The following GPA33 variants were observed in gnomAD, a reference collection of about 807,000 sequenced individuals.
GPA33 encodes glycoprotein A33.
Under a neutral mutation model 35.6 loss-of-function variants are expected in GPA33, and 27 were observed. The observed-to-expected ratio is 0.76, with a 90% CI of 0.56 to 1.04. The LOEUF (loss-of-function observed/expected upper bound fraction) is 1.04, where lower values mean the gene tolerates loss of function less well. Among genes scored for constraint, GPA33 ranks in the 50% least tolerant of loss-of-function variants. The pLI, the probability that GPA33 is intolerant of heterozygous loss-of-function variation, is 0.00. For missense variants in GPA33, 428 were observed against 411.9 expected, an observed-to-expected ratio of 1.04 and a Z score of -0.34; for synonymous variants, 176 against 164.0, an observed-to-expected ratio of 1.07 and a Z score of -0.56.
At chr1:167,064,514 G>A (rs1666546534) in intron 3 of GPA33, among the ~76,000 whole-genome samples, 1 of 152,152 alleles carries the variant, frequency 6.6e-6, no homozygotes. Context: ...CGACCTCAGT[G>A]TTCCATTCTG....
chr1:167,081,868 T>A (rs1666956578), intron 1 of GPA33, among the ~76,000 whole-genome samples: 1 of 152,224 alleles, frequency 6.6e-6, no homozygotes, highest in Non-Finnish European at 1.5e-5. Flanking sequence ...GTGTCTACAC[T>A]GAGCTGGGTC....
chr1:167,061,567 C>G (rs1278449664), intron 4 of GPA33, among the ~76,000 whole-genome samples: 1 of 143,104 alleles, frequency 7.0e-6, no homozygotes, highest in Admixed American at 7.0e-5. Flanking sequence ...TAAGTTAGGT[C>G]GAGTGGATTC....
chr1:167,074,716 A>C (rs1213668073), intron 1 of GPA33, among the ~76,000 whole-genome samples: 1 of 151,744 alleles, frequency 6.6e-6, no homozygotes, highest in African/African-American at 2.4e-5. Context: ...ACGCACAAGG[A>C]ACAGCAAGGG....
intron 4 of GPA33, among the ~76,000 whole-genome samples, chr1:167,056,678 G>A (rs1260929583): frequency 6.5e-5 from 3 of 45,916 alleles, no homozygotes; most frequent in African/African-American, 8.3e-5. Flanking sequence ...TGTGTGATGT[G>A]TCTGGTGTGT....
chr1:167,073,071 A>AG (rs1254185279), intron 2 of GPA33, among the ~76,000 whole-genome samples: 5 of 152,192 alleles, frequency 3.3e-5, no homozygotes, highest in African/African-American at 1.2e-4. Flanking sequence ...AGGAAAAAAA[A>AG]CCCATAAAAT....
At chr1:167,054,578 C>T in intron 6 of GPA33, 112 bp from the exon 7 acceptor site, 1 of 1,317,402 alleles carries the variant, frequency 7.6e-7, no homozygotes, top group Non-Finnish European at 1.1e-6. Context: ...CCTCCCCACC[C>T]ACCAGCTGCA....
chr1:167,081,187 A>G (rs1166980951), intron 1 of GPA33, among the ~76,000 whole-genome samples: 2 of 152,224 alleles, frequency 1.3e-5, no homozygotes, highest in Admixed American at 1.3e-4. Context: ...GGATAATGAA[A>G]TGCTTGATGG....
At chr1:167,068,257 A>G (rs561637212) in intron 3 of GPA33, among the ~76,000 whole-genome samples, 1 of 152,366 alleles carries the variant, frequency 6.6e-6, no homozygotes, top group Admixed American at 6.5e-5. Flanking sequence ...CTCATTAAAT[A>G]ACAGTTATTT....
chr1:167,054,947 T>C (rs751157899), intron 6 of GPA33, 29 bp downstream of exon 6: 1 of 1,613,464 alleles, frequency 6.2e-7, no homozygotes, highest in Non-Finnish European at 8.5e-7. Context: ...CCCAGACCCT[T>C]CCAACAGGCT....
intron 4 of GPA33, among the ~76,000 whole-genome samples, chr1:167,060,320 G>C (rs528604343): frequency 1.1e-4 from 16 of 152,102 alleles, no homozygotes; most frequent in Admixed American, 2.0e-4. Context: ...CGATCCACCC[G>C]CCTCAGCTTC....
chr1:167,080,102 T>C (rs1179169664), intron 1 of GPA33, among the ~76,000 whole-genome samples: 3 of 152,128 alleles, frequency 2.0e-5, no homozygotes, highest in Non-Finnish European at 4.4e-5. Flanking sequence ...CCCACCCTCC[T>C]CCCAGTAGCT....
intron 2 of GPA33, 24 bp from the exon 3 acceptor site, chr1:167,069,162 A>T: frequency 6.5e-7 from 1 of 1,548,718 alleles, no homozygotes; most frequent in Non-Finnish European, 8.9e-7. Flanking sequence ...AAATGGCACC[A>T]GGTCTTCACC....
intron 1 of GPA33, among the ~76,000 whole-genome samples, chr1:167,080,369 G>T (rs1666901475): frequency 6.6e-6 from 1 of 152,196 alleles, no homozygotes; most frequent in South Asian, 2.1e-4. Context: ...ACAATCTCTT[G>T]CATGATAGCA....
In GPA33 at chr1:167,053,723, C is replaced by T. The variant is rs1361528002; in HGVS notation, c.*611G>A. The T allele has an allele frequency of 6.5e-6, 1 of 153,014 alleles. No individual in the cohort carries two copies. Among genetic ancestry groups the T allele is most frequent in the Non-Finnish European group, 1.5e-5 (1 of 68,726 alleles). The allele number at this position is 153,014 out of a possible 1,614,324, so 9.5% of individuals were successfully genotyped here. ...GAGATGGAAAGTGTGTGGGCAAAAG[C>T]TCCCCAGGGCCTGTGCAGCAGGAGT... is the stretch of plus-strand genomic sequence containing the variant. On this transcript the variant is annotated 3_prime_UTR_variant, in exon 7 of 7. Coordinates refer to ENST00000367868, the MANE Select transcript of GPA33 (RefSeq NM_005814.3).
intron 1 of GPA33, among the ~76,000 whole-genome samples, chr1:167,079,502 GA>G (rs965851607): frequency 1.6e-4 from 24 of 145,566 alleles, no homozygotes; most frequent in Admixed American, 4.8e-4. Flanking sequence ...AAAAAAAAAA[GA>G]AAAAAAAGAA....
chr1:167,072,997 T>C (rs1012211117), intron 2 of GPA33, among the ~76,000 whole-genome samples: 7 of 150,522 alleles, frequency 4.7e-5, no homozygotes, highest in African/African-American at 1.7e-4. Flanking sequence ...TTATATTATC[T>C]ATTTAAAAAT....
chr1:167,085,945 G>T (rs1179896338), intron 1 of GPA33, among the ~76,000 whole-genome samples: 2 of 152,210 alleles, frequency 1.3e-5, no homozygotes, highest in Non-Finnish European at 2.9e-5. Context: ...GAAGGTATGG[G>T]GGAGACTGGG....
intron 2 of GPA33, among the ~76,000 whole-genome samples, chr1:167,071,937 A>C (rs538041559): frequency 4.6e-5 from 7 of 152,346 alleles, no homozygotes; most frequent in African/African-American, 1.7e-4. Flanking sequence ...CTTAACACCC[A>C]GAAAACTGTC....
chr1:167,069,018 G>A lies in GPA33; in HGVS notation c.319C>T (p.Leu107=), dbSNP rs750678492. ...QSDASITIDQ[L]TMADNGTYEC... The stretch of plus-strand genomic sequence containing the variant: ...TAGGTGCCGTTGTCAGCCATGGTCA[G>A]CTGATCAATGGTGATGGAGGCATCG... Residue 107 remains leucine, a synonymous_variant, in exon 3 of 7, where the codon CTG becomes TTG. Transcript: ENST00000367868. 4 of 1,614,006 alleles carry A rather than the reference G, an allele frequency of 2.5e-6. No individual in the cohort carries two copies. The South Asian group carries it at 4.4e-5, about 18-fold the overall frequency.
Sources: allele counts gnomAD v4.1 joint callset (sites outside exome capture counted in the v4.1 genomes callset), GRCh38; gene constraint gnomAD v4.1.1; transcripts MANE v1.5; gene names NCBI Gene and HGNC (gene_info 2026-07-23, HGNC 2026-07-21).